Variants in MIGA1 observed in about 807,000 individuals in gnomAD.
The protein encoded by MIGA1 is mitoguardin 1.
Under a neutral mutation model 82.0 loss-of-function variants are expected in MIGA1, and 58 were observed. The ratio of observed to expected loss-of-function variants is 0.71; its 90% confidence interval spans 0.57 to 0.88. The LOEUF (loss-of-function observed/expected upper bound fraction) is 0.88, where lower values mean the gene tolerates loss of function less well. Ranked by LOEUF, MIGA1 falls within the 40% of genes least tolerant of loss-of-function variation. The pLI, the probability that MIGA1 is intolerant of heterozygous loss-of-function variation, is 0.00. For missense variants in MIGA1, 751 were observed against 749.1 expected (o/e 1.00, Z -0.03); for synonymous variants, 249 against 253.6 (o/e 0.98, Z 0.17).
chr1:77,861,953 C>G (rs1434181417), intron 12 of MIGA1: 1 of 149,554 alleles, frequency 6.7e-6, no homozygotes, highest in Non-Finnish European at 1.5e-5. Context: ...CCAACCTAGC[C>G]AACATGGAAA....
chr1:77,803,759 G>A (rs1404810312), intron 4 of MIGA1, among the ~76,000 whole-genome samples: 1 of 152,122 alleles, frequency 6.6e-6, no homozygotes, highest in African/African-American at 2.4e-5. Context: ...CAGAGGCTGG[G>A]AAAGGTAACG....
At chr1:77,784,498 T>C (rs1682060546) in intron 2 of MIGA1, among the ~76,000 whole-genome samples, 1 of 152,232 alleles carries the variant, frequency 6.6e-6, no homozygotes, top group African/African-American at 2.4e-5. Context: ...AGTACTGGGA[T>C]TATAGGTGTC....
intron 10 of MIGA1, chr1:77,859,688 G>T: frequency 5.3e-6 from 2 of 379,952 alleles, no homozygotes; most frequent in Non-Finnish European, 9.3e-6. Flanking sequence ...ATTAATTAGT[G>T]TGTATTTGAG....
chr1:77,850,348 T>C (rs1301202952), intron 8 of MIGA1, among the ~76,000 whole-genome samples: 1 of 152,182 alleles, frequency 6.6e-6, no homozygotes, highest in Admixed American at 6.5e-5. Context: ...TGGGTTGGGA[T>C]GTGAGTAACC....
chr1:77,852,217 G>C (rs1685082933), intron 8 of MIGA1, among the ~76,000 whole-genome samples: 1 of 152,126 alleles, frequency 6.6e-6, no homozygotes, highest in South Asian at 2.1e-4. Context: ...TTCTCTAATA[G>C]AGGATAGAGA....
Position 77,875,997 on chromosome 1 carries a change from G to C in MIGA1, c.*933G>C, listed in dbSNP as rs1013113476. On this transcript the variant is annotated 3_prime_UTR_variant, in exon 16 of 16. Coordinates refer to ENST00000370791, the MANE Select transcript of MIGA1 (RefSeq NM_198549.4). ...AAAATACAAAAATTAGCCAGGTGTG[G>C]TGGCGGGCGCCTGTAGTCCCAGCTA... 3.9e-5 allele frequency: 6 copies of C among 152,314 alleles called. No homozygotes were observed. The highest frequency in any genetic ancestry group is 5.9e-5 in the Non-Finnish European group (4 of 68,204). The allele number at this position is 152,314 out of a possible 1,614,324, so 9.4% of individuals were successfully genotyped here.
intron 7 of MIGA1, among the ~76,000 whole-genome samples, chr1:77,834,288 G>T (rs1259501855): frequency 6.6e-6 from 1 of 152,078 alleles, no homozygotes; most frequent in Non-Finnish European, 1.5e-5. Flanking sequence ...TGATCCTCCT[G>T]CCTCAGTCTC....
At chr1:77,779,883 G>A in intron 1 of MIGA1, 147 bp downstream of exon 1, 1 of 1,425,128 alleles carries the variant, frequency 7.0e-7, no homozygotes, top group South Asian at 1.5e-5. Context: ...AGGTGGAGCG[G>A]CGGAAAGCCA....
chr1:77,864,007 A>C lies in MIGA1; in HGVS notation c.1488A>C (p.Leu496=). The C allele has an allele frequency of 1.2e-6, 2 of 1,605,104 alleles. No homozygotes were observed. Among genetic ancestry groups the C allele is most frequent in the Non-Finnish European group, 1.7e-6 (2 of 1,178,138 alleles). Reference sequence around the variant, plus strand: ...AGAATGTAGTAAATAATCGATGGCTAAACTCATCCTTCAAAGAAACAGTAA... The same window carrying C: ...AGAATGTAGTAAATAATCGATGGCTCAACTCATCCTTCAAAGAAACAGTAA... The change falls in exon 13 of 16, where the codon CTA becomes CTC. Residue 496 remains leucine (L), a synonymous_variant. Transcript: ENST00000370791.
intron 14 of MIGA1, among the ~76,000 whole-genome samples, chr1:77,871,529 G>A (rs1367300905): frequency 1.3e-5 from 2 of 151,904 alleles, no homozygotes; most frequent in African/African-American, 4.8e-5. Flanking sequence ...AGAAAATGAG[G>A]TTTAGAAGAT....
intron 5 of MIGA1, among the ~76,000 whole-genome samples, chr1:77,808,114 C>G (rs1006801976): frequency 6.6e-5 from 10 of 151,746 alleles, no homozygotes; most frequent in African/African-American, 1.2e-4. Flanking sequence ...GCCACCTCAC[C>G]CAGCCACCTT....
chr1:77,838,754 T>C (rs772009031), intron 7 of MIGA1, among the ~76,000 whole-genome samples: 12 of 152,206 alleles, frequency 7.9e-5, no homozygotes, highest in Non-Finnish European at 7.4e-5. Flanking sequence ...GGTCACCTTC[T>C]AGCTTTTAAA....
chr1:77,821,615 G>C (rs1362206109), intron 7 of MIGA1, among the ~76,000 whole-genome samples: 1 of 152,024 alleles, frequency 6.6e-6, no homozygotes, highest in Non-Finnish European at 1.5e-5. Flanking sequence ...GGTTGCTCTT[G>C]AGCTCCCACC....
intron 7 of MIGA1, among the ~76,000 whole-genome samples, chr1:77,822,171 T>A (rs916854853): frequency 8.1e-5 from 12 of 147,590 alleles, no homozygotes; most frequent in African/African-American, 2.9e-4. Flanking sequence ...CAGTTTTGTA[T>A]GTCAGTAATA....
chr1:77,786,051 C>G (rs1448188889), intron 2 of MIGA1, among the ~76,000 whole-genome samples: 2 of 152,252 alleles, frequency 1.3e-5, no homozygotes, highest in African/African-American at 4.8e-5. Flanking sequence ...CTTCTGAAAT[C>G]TAGGTGGAGG....
rs1685407645 is a variant in MIGA1 at position 77,860,082 on chromosome 1, A to G, written c.1231A>G (p.Ser411Gly). 6.2e-7 allele frequency: 1 copy of G among 1,612,358 alleles called. No individual in the cohort carries two copies. The highest frequency in any genetic ancestry group is 1.3e-5 in the African/African-American group (1 of 74,992). The change falls in exon 11 of 16, where the codon AGC (serine) becomes GGC (glycine). Residue 411 changes from serine to glycine, a missense_variant. Physicochemically the swap from Ser to Gly is moderately conservative, Grantham distance 56. Coordinates refer to ENST00000370791, the MANE Select transcript of MIGA1 (RefSeq NM_198549.4). ...AGCTAACAGGATATTCCTCGCTGAG[A>G]GCGGAAGGAAAATTTTATCAGCTTT...
At chr1:77,788,846 C>G (rs1352167784) in intron 2 of MIGA1, among the ~76,000 whole-genome samples, 1 of 152,084 alleles carries the variant, frequency 6.6e-6, no homozygotes, top group Non-Finnish European at 1.5e-5. Context: ...AAATGTGAGT[C>G]CTCCAGCTTT....
At chr1:77,870,293 G>A (rs1363517685) in intron 14 of MIGA1, among the ~76,000 whole-genome samples, 2 of 122,344 alleles carry the variant, frequency 1.6e-5, no homozygotes, top group Admixed American at 7.6e-5. Flanking sequence ...CAGACGGGGT[G>A]GCTGCCGGAC....
intron 13 of MIGA1, 127 bp from the exon 14 acceptor site, chr1:77,866,211 G>A (rs890122159): frequency 2.6e-5 from 21 of 806,046 alleles, no homozygotes; most frequent in Admixed American, 4.6e-5. Flanking sequence ...CACTGTGCCC[G>A]GCCGACTAGT....
Sources: gnomAD v4.1 joint callset for allele counts (sites outside exome capture counted in the v4.1 genomes callset) on GRCh38, gnomAD v4.1.1 for gene constraint, MANE v1.5 for transcripts, NCBI Gene and HGNC (gene_info 2026-07-23, HGNC 2026-07-21) for gene names.